Variants in TRPS1 observed in about 807,000 individuals in gnomAD.
The protein encoded by TRPS1 is zinc finger transcription factor Trps1.
A neutral mutation model predicts 101.2 loss-of-function variants in TRPS1; 6 were observed. The observed-to-expected ratio is 0.06, with a 90% CI of 0.03 to 0.12. The LOEUF is 0.12. Among genes scored for constraint, TRPS1 ranks in the 10% least tolerant of loss-of-function variants. The pLI is 1.00. For missense variants in TRPS1, 1,363 were observed against 1,567.0 expected, an observed-to-expected ratio of 0.87 and a Z score of 2.20; for synonymous variants, 578 against 589.8, an observed-to-expected ratio of 0.98 and a Z score of 0.29.
intron 5 of TRPS1, among the ~76,000 whole-genome samples, chr8:115,517,517 G>C (rs992842707): frequency 6.6e-6 from 1 of 151,274 alleles, no homozygotes; most frequent in African/African-American, 2.4e-5. Context: ...GGGTTCTGCA[G>C]GGCTAATTAG....
At chr8:115,511,550 A>T (rs966551675) in intron 5 of TRPS1, among the ~76,000 whole-genome samples, 1 of 151,864 alleles carries the variant, frequency 6.6e-6, no homozygotes, top group Non-Finnish European at 1.5e-5. Flanking sequence ...ACAAGCTATC[A>T]ATTTTGGAAG....
chr8:115,446,765 G>A (rs1049662365), intron 5 of TRPS1, among the ~76,000 whole-genome samples: 14 of 152,134 alleles, frequency 9.2e-5, no homozygotes, highest in Non-Finnish European at 1.6e-4. Flanking sequence ...AAATCTGACA[G>A]ACTGACTTAT....
At chr8:115,643,047 T>G (rs1218455318) in intron 1 of TRPS1, among the ~76,000 whole-genome samples, 2 of 152,076 alleles carry the variant, frequency 1.3e-5, no homozygotes, top group Non-Finnish European at 2.9e-5. Context: ...GTCTATTAAG[T>G]GGGCAATAGT....
At position 115,453,052 on chromosome 8, in the gene TRPS1, C is replaced by T. The variant is rs369952915; in HGVS notation, c.2701-34600G>A. ...TTTTTTTTTTTTTGAGATGGGTTCT[C>T]ACTCTGTTGCCCAGGATGGAGTACA... On this transcript the variant is annotated intron_variant, in intron 5 of 6. Coordinates refer to ENST00000395715, the MANE Select transcript of TRPS1 (RefSeq NM_014112.5). 4.0e-5 allele frequency among the ~76,000 whole-genome samples: 6 copies of T among 150,812 alleles called. No homozygotes were observed. In the East Asian group the frequency reaches 7.8e-4, roughly 20 times the overall value.
chr8:115,554,833 G>A (rs548000468), intron 5 of TRPS1, among the ~76,000 whole-genome samples: 138 of 152,256 alleles, frequency 9.1e-4, no homozygotes, highest in African/African-American at 2.9e-3. Flanking sequence ...GTTCAGAGGA[G>A]AAGGCCCTTT....
chr8:115,644,460 C>A (rs181525985), intron 1 of TRPS1, among the ~76,000 whole-genome samples: 1 of 152,122 alleles, frequency 6.6e-6, no homozygotes, highest in Admixed American at 6.6e-5. Context: ...CAGCTTTCAC[C>A]GAATCAAACA....
intron 1 of TRPS1, among the ~76,000 whole-genome samples, chr8:115,649,097 A>T (rs570805612): frequency 1.4e-4 from 22 of 152,336 alleles, no homozygotes; most frequent in African/African-American, 4.8e-4. Flanking sequence ...AGTTCTTTTT[A>T]TAACAAGAGA....
intron 5 of TRPS1, among the ~76,000 whole-genome samples, chr8:115,468,973 T>A (rs1814395973): frequency 6.6e-6 from 1 of 151,706 alleles, no homozygotes; most frequent in Non-Finnish European, 1.5e-5. Context: ...AACCCCTGTC[T>A]CTACAAAACT....
At position 115,596,338 on chromosome 8, in the gene TRPS1, C is replaced by T. The variant is rs149228154; in HGVS notation, c.2096+7535G>A. Among the ~76,000 whole-genome samples the T allele has an allele frequency of 3.9e-5, 6 of 151,926 alleles. No individual in the cohort carries two copies. The East Asian group carries it at 1.2e-3, about 29-fold the overall frequency. ...TAAGTTATTTAATAGTGAGATTGAT[C>T]ATTCATTCATATATTTACTTGACAT... On this transcript the variant is annotated intron_variant, in intron 4 of 6. Transcript: ENST00000395715.
rs561797671 is a variant in TRPS1 at position 115,418,016 on chromosome 8, C to A, written c.2823+314G>T. ...TTTCTGAAACTTCTAAAAATTTTCTCCTTTTTACCTAAAATAATTTCATTG... is the reference window on the plus strand; with the variant it reads ...TTTCTGAAACTTCTAAAAATTTTCTACTTTTTACCTAAAATAATTTCATTG... On this transcript the variant is annotated intron_variant, in intron 6 of 6. Transcript: ENST00000395715. This position sits in a 1 kb window ranked among gnomAD's most constrained non-coding sequence, Gnocchi z 4.3. Among the ~76,000 whole-genome samples the A allele has an allele frequency of 6.6e-6, 1 of 152,118 alleles. No individual in the cohort carries two copies. Among genetic ancestry groups the A allele is most frequent in the East Asian group, 1.9e-4 (1 of 5,198 alleles).
At position 115,556,519 on chromosome 8, in the gene TRPS1, T is replaced by C. The variant is rs1166663379; in HGVS notation, c.2700+30482A>G. 2.0e-5 allele frequency among the ~76,000 whole-genome samples: 3 copies of C among 152,276 alleles called. No individual in the cohort carries two copies. In the East Asian group the frequency reaches 5.8e-4, roughly 29 times the overall value. On this transcript the variant is annotated intron_variant, in intron 5 of 6. Transcript: ENST00000395715. ...GGTCCTTTATTTATTCTGTGCTCTTTTGATATTCATATGGTATACTGCTAC... is the reference window on the plus strand; with the variant it reads ...GGTCCTTTATTTATTCTGTGCTCTTCTGATATTCATATGGTATACTGCTAC...
rs1381448265 is a variant in TRPS1 at position 115,604,474 on chromosome 8, G to C, written c.1495C>G (p.Leu499Val). The change falls in exon 4 of 7, where the codon CTA becomes GTA. Residue 499 changes from leucine to valine, a missense_variant. Transcript: ENST00000395715. The surrounding 1 kb of genome is among the most constrained non-coding windows in gnomAD (Gnocchi z 4.1). Reference sequence around the variant, plus strand: ...GTCTCTCCTTCTGAACTTTTGGCTAGATCATTCTGATTAATGACAGAGCCC... The same window carrying C: ...GTCTCTCCTTCTGAACTTTTGGCTACATCATTCTGATTAATGACAGAGCCC... ...SRGSVINQND[L>V]AKSSEGETMT... 6.2e-7 allele frequency: 1 copy of C among 1,614,014 alleles called. No individual in the cohort carries two copies. The highest frequency in any genetic ancestry group is 1.1e-5 in the South Asian group (1 of 91,082).
intron 5 of TRPS1, among the ~76,000 whole-genome samples, chr8:115,564,157 G>A (rs1047289355): frequency 1.3e-5 from 2 of 152,010 alleles, no homozygotes; most frequent in African/African-American, 4.8e-5. Context: ...ACACAATGAT[G>A]AATAGGAGAG....
chr8:115,633,166 G>A (rs1328160902), intron 1 of TRPS1, among the ~76,000 whole-genome samples: 1 of 152,042 alleles, frequency 6.6e-6, no homozygotes, highest in African/African-American at 2.4e-5. Flanking sequence ...ATGTGCCCCA[G>A]CAGGCAAACA....
chr8:115,667,005 G>A (rs1034184447), intron 1 of TRPS1, among the ~76,000 whole-genome samples: 1 of 152,094 alleles, frequency 6.6e-6, no homozygotes, highest in Non-Finnish European at 1.5e-5. Context: ...CTCTAGCCGT[G>A]ATTTTCCAAA....
chr8:115,433,189 C>T (rs1813364705), intron 5 of TRPS1, among the ~76,000 whole-genome samples: 1 of 151,904 alleles, frequency 6.6e-6, no homozygotes, highest in Non-Finnish European at 1.5e-5. Context: ...GATTTTTAAA[C>T]TCCCAATCAC....
chr8:115,565,544 T>C (rs1382741437), intron 5 of TRPS1, among the ~76,000 whole-genome samples: 1 of 152,036 alleles, frequency 6.6e-6, no homozygotes, highest in Non-Finnish European at 1.5e-5. Context: ...TTTGATTTTA[T>C]TTTCCATTTG....
At chr8:115,522,205 T>C (rs1815881891) in intron 5 of TRPS1, among the ~76,000 whole-genome samples, 1 of 152,002 alleles carries the variant, frequency 6.6e-6, no homozygotes, top group Admixed American at 6.6e-5. Context: ...TGAGTAATTA[T>C]AATGTAAGTA....
At chr8:115,565,905 T>C (rs538426547) in intron 5 of TRPS1, among the ~76,000 whole-genome samples, 7 of 152,068 alleles carry the variant, frequency 4.6e-5, no homozygotes, top group Non-Finnish European at 8.8e-5. Flanking sequence ...CACACCAAAT[T>C]AAAAGGACGA....
Sources: gnomAD v4.1 joint callset for allele counts (sites outside exome capture counted in the v4.1 genomes callset) on GRCh38, gnomAD v4.1.1 for gene constraint, Gnocchi (gnomAD v3.1) non-coding constraint, MANE v1.5 for transcripts, NCBI Gene and HGNC (gene_info 2026-07-23, HGNC 2026-07-21) for gene names.